GPM6A: variants seen among roughly 807,000 people sequenced by gnomAD.
The protein encoded by GPM6A is glycoprotein M6A.
Under a neutral mutation model 32.1 loss-of-function variants are expected in GPM6A, and 7 were observed. The observed-to-expected ratio is 0.22, with a 90% confidence interval of 0.12 to 0.41. GPM6A has a LOEUF of 0.41. Ranked by LOEUF, GPM6A falls within the 10% of genes least tolerant of loss-of-function variation. The pLI is 1.00. For synonymous variants in GPM6A, 130 were observed against 123.4 expected, an observed-to-expected ratio of 1.05 and a Z score of -0.35; for missense variants, 235 against 347.2, an observed-to-expected ratio of 0.68 and a Z score of 2.57.
At chr4:175,916,079 C>A (rs1020438903) in intron 1 of GPM6A, among the ~76,000 whole-genome samples, 2 of 152,324 alleles carry the variant, frequency 1.3e-5, no homozygotes, top group Middle Eastern at 3.4e-3. Context: ...CAGCCAAGTT[C>A]TCTGATAGTC....
At chr4:175,832,082 T>G (rs1467082581) in intron 1 of GPM6A, among the ~76,000 whole-genome samples, 1 of 151,960 alleles carries the variant, frequency 6.6e-6, no homozygotes, top group Non-Finnish European at 1.5e-5. Context: ...CTCCCTTATC[T>G]AGATCAGAGC....
At chr4:175,879,689 G>A (rs1737206212) in intron 1 of GPM6A, among the ~76,000 whole-genome samples, 1 of 151,944 alleles carries the variant, frequency 6.6e-6, no homozygotes, top group Non-Finnish European at 1.5e-5. Flanking sequence ...ACCATATCAA[G>A]CACCTTTATA....
At position 175,954,395 on chromosome 4, in the gene GPM6A, T is replaced by C. The variant is rs1739917516; in HGVS notation, c.-23+47914A>G. 2.6e-5 allele frequency among the ~76,000 whole-genome samples: 4 copies of C among 152,216 alleles called. No individual in the cohort carries two copies. The South Asian group carries it at 8.3e-4, about 32-fold the overall frequency. On this transcript the variant is annotated intron_variant, in intron 1 of 7. Transcript: ENST00000280187. The stretch of plus-strand genomic sequence containing the variant: ...AGTGCGAAACCCGGCTCAAGCACTT[T>C]AGAACTGTGTAAGCTTAAATGAGTT...
intron 6 of GPM6A, among the ~76,000 whole-genome samples, chr4:175,636,239 C>A (rs1389941590): frequency 1.5e-5 from 2 of 129,748 alleles, no homozygotes; most frequent in Admixed American, 1.7e-4. Context: ...ATGGCATTTA[C>A]ATAGTGAAAG....
upstream of GPM6A, chr4:176,002,343 AG>A: frequency 6.3e-7 from 1 of 1,584,134 alleles, no homozygotes; most frequent in Non-Finnish European, 8.6e-7. Flanking sequence ...TGCAGTCCCC[AG>A]AGGAGAGCGA....
At chr4:175,797,892 G>A (rs1450540440) in intron 1 of GPM6A, among the ~76,000 whole-genome samples, 1 of 152,048 alleles carries the variant, frequency 6.6e-6, no homozygotes, top group East Asian at 1.9e-4. Flanking sequence ...AATCACAATT[G>A]GGAAAGCTAC....
chr4:175,712,584 T>A (rs899571524), intron 1 of GPM6A, among the ~76,000 whole-genome samples: 1 of 152,222 alleles, frequency 6.6e-6, no homozygotes, highest in African/African-American at 2.4e-5. Flanking sequence ...GAAATATTAG[T>A]GGAGTGAGGC....
chr4:175,843,610 TG>T (rs1227847458), intron 1 of GPM6A, among the ~76,000 whole-genome samples: 7 of 152,198 alleles, frequency 4.6e-5, no homozygotes, highest in Non-Finnish European at 4.4e-5. Context: ...AGGCAACCTG[TG>T]GAGCTGAACT....
At chr4:175,704,778 A>G (rs1167462484) in intron 1 of GPM6A, among the ~76,000 whole-genome samples, 1 of 152,202 alleles carries the variant, frequency 6.6e-6, no homozygotes, top group East Asian at 1.9e-4. Flanking sequence ...ATAGATGAAC[A>G]TGTTTCACAA....
Position 175,930,578 on chromosome 4 carries a change from C to T in GPM6A, c.-23+71731G>A, listed in dbSNP as rs559167140. ...ACTCTGAATTTCAGTTTTATAAGAA[C>T]CTTTTTTTGCTTGGTGAGGTTCTTT... On this transcript the variant is annotated intron_variant, in intron 1 of 7. Transcript: ENST00000280187. 5.9e-5 allele frequency among the ~76,000 whole-genome samples: 9 copies of T among 151,928 alleles called. No homozygotes were observed. The South Asian group carries it at 1.5e-3, about 25-fold the overall frequency.
intron 1 of GPM6A, among the ~76,000 whole-genome samples, chr4:175,825,467 T>A (rs1297008084): frequency 1.3e-5 from 2 of 152,118 alleles, no homozygotes; most frequent in East Asian, 3.9e-4. Context: ...CTCGCTCCCA[T>A]GGTCTTTAGA....
chr4:175,863,002 CCTCT>C (rs1047260966), intron 1 of GPM6A, among the ~76,000 whole-genome samples: 3 of 151,712 alleles, frequency 2.0e-5, no homozygotes, highest in African/African-American at 4.8e-5. Context: ...CACCTCATCT[CCTCT>C]CTCTCTCTTC....
chr4:175,709,084 C>T (rs1035680881), intron 1 of GPM6A, among the ~76,000 whole-genome samples: 6 of 152,152 alleles, frequency 3.9e-5, no homozygotes, highest in Admixed American at 2.6e-4. Flanking sequence ...CATACGTAAA[C>T]TTAATAAAAT....
At chr4:175,820,594 G>A (rs1057464515) in intron 1 of GPM6A, among the ~76,000 whole-genome samples, 23 of 139,418 alleles carry the variant, frequency 1.6e-4, no homozygotes, top group South Asian at 2.3e-4. Flanking sequence ...TCCCCTTCCC[G>A]GGTTCAAGTG....
rs139118681 is a variant in GPM6A, at chr4:175,691,988, G to A, written c.230+9587C>T. Among the ~76,000 whole-genome samples, 797 of 152,196 alleles carry A rather than the reference G, an allele frequency of 5.2e-3. 8 individuals are homozygous for A. Among genetic ancestry groups the A allele is most frequent in the African/African-American group, 0.018 (766 of 41,518 alleles). ...TGGAAGCCAGGACAAGCAAGAGTAC[G>A]GCTTCTTCCTGAGAGCCTCCAGATG... is the stretch of plus-strand genomic sequence containing the variant. On this transcript the variant is annotated intron_variant, in intron 2 of 6. Transcript: ENST00000393658.
chr4:175,661,139 A>T (rs545364626), intron 3 of GPM6A, among the ~76,000 whole-genome samples: 1 of 152,246 alleles, frequency 6.6e-6, no homozygotes, highest in Non-Finnish European at 1.5e-5. Context: ...TGGAGAATTT[A>T]AACAATGTTG....
At chr4:175,860,113 T>C (rs1485464316) in intron 1 of GPM6A, among the ~76,000 whole-genome samples, 1 of 151,592 alleles carries the variant, frequency 6.6e-6, no homozygotes, top group Non-Finnish European at 1.5e-5. Context: ...CTAAAATAAA[T>C]AAACTAAGCT....
chr4:175,723,461 A>G (rs763235715), intron 1 of GPM6A, among the ~76,000 whole-genome samples: 3 of 152,060 alleles, frequency 2.0e-5, no homozygotes, highest in African/African-American at 7.2e-5. Flanking sequence ...AACTCCTTAG[A>G]TGTAGTTGAC....
At chr4:175,895,904 TTTG>T (rs1351058771) in intron 1 of GPM6A, among the ~76,000 whole-genome samples, 2 of 152,194 alleles carry the variant, frequency 1.3e-5, no homozygotes, top group East Asian at 3.9e-4. Context: ...TTTGATCTAC[TTTG>T]TTTTTTATTT....
Sources: gnomAD v4.1 joint callset for allele counts (sites outside exome capture counted in the v4.1 genomes callset) on GRCh38, gnomAD v4.1.1 for gene constraint, MANE v1.5 for transcripts, NCBI Gene and HGNC (gene_info 2026-07-23, HGNC 2026-07-21) for gene names.